SMAP1: variants seen among roughly 807,000 people sequenced by gnomAD.
SMAP1 encodes the protein stromal membrane-associated protein 1.
In SMAP1, 24 loss-of-function variants were observed where a neutral mutation model predicts 58.5. The ratio of observed to expected loss-of-function variants is 0.41; its 90% CI spans 0.30 to 0.58. The LOEUF is 0.58. SMAP1 is among the 20% of genes least tolerant of loss of function. The pLI is 0.29. For synonymous variants in SMAP1, 216 were observed against 196.6 expected, an observed-to-expected ratio of 1.10 and a Z score of -0.82; for missense variants, 563 against 566.3, an observed-to-expected ratio of 0.99 and a Z score of 0.06.
rs181194490 is a variant in SMAP1 at position 70,817,216 on chromosome 6, A to G, written c.576+18479A>G. On this transcript the variant is annotated intron_variant, in intron 6 of 10. Coordinates refer to ENST00000370455, the MANE Select transcript of SMAP1 (RefSeq NM_001044305.3). Reference sequence around the variant, plus strand: ...CACATTATTATTCTACTGAATAGATATTAGTTCATTGTCCCTATGTTTTCT... The same window carrying G: ...CACATTATTATTCTACTGAATAGATGTTAGTTCATTGTCCCTATGTTTTCT... Among the ~76,000 whole-genome samples, 226 of 151,894 alleles carry G rather than the reference A, an allele frequency of 1.5e-3. 1 individual carries two copies. The highest frequency in any genetic ancestry group is 9.7e-3 in the Admixed American group (148 of 15,250).
intron 7 of SMAP1, among the ~76,000 whole-genome samples, chr6:70,847,029 A>AT (rs141369820): frequency 0.019 from 2,874 of 152,268 alleles, 35 homozygotes; most frequent in Non-Finnish European, 0.028. Flanking sequence ...TTGTATTCTT[A>AT]TTTCCTTTTA....
chr6:70,714,062 T>TG (rs1435546771), intron 1 of SMAP1, among the ~76,000 whole-genome samples: 1 of 152,202 alleles, frequency 6.6e-6, no homozygotes, highest in African/African-American at 2.4e-5. Flanking sequence ...GCCACTCTTT[T>TG]GGGTACCATT....
chr6:70,745,000 G>C (rs1765968451), intron 2 of SMAP1, among the ~76,000 whole-genome samples: 3 of 152,150 alleles, frequency 2.0e-5, no homozygotes, highest in Admixed American at 2.0e-4. Context: ...CATATCCTTT[G>C]TCCACTTTTT....
chr6:70,703,041 T>G (rs2149830496), intron 1 of SMAP1, among the ~76,000 whole-genome samples: 1 of 152,222 alleles, frequency 6.6e-6, no homozygotes, highest in African/African-American at 2.4e-5. Flanking sequence ...TTCGATTGAT[T>G]GACTTTCCTC....
chr6:70,810,602 G>A (rs938810364), intron 6 of SMAP1, among the ~76,000 whole-genome samples: 1 of 151,826 alleles, frequency 6.6e-6, no homozygotes, highest in Admixed American at 6.6e-5. Flanking sequence ...TTAGATACAG[G>A]GTCTCACTAT....
At chr6:70,833,974 C>T (rs1329597425) in intron 6 of SMAP1, among the ~76,000 whole-genome samples, 2 of 152,000 alleles carry the variant, frequency 1.3e-5, no homozygotes, top group African/African-American at 4.8e-5. Flanking sequence ...TGATGACTAC[C>T]CATTTAAATT....
chr6:70,766,403 A>G (rs1766988458), intron 3 of SMAP1, among the ~76,000 whole-genome samples: 1 of 152,108 alleles, frequency 6.6e-6, no homozygotes, highest in South Asian at 2.1e-4. Flanking sequence ...CCTCTCCAGC[A>G]CCTGTTGTTT....
intron 1 of SMAP1, among the ~76,000 whole-genome samples, chr6:70,709,768 ATTTG>A (rs1485063566): frequency 1.3e-5 from 2 of 151,984 alleles, no homozygotes; most frequent in Non-Finnish European, 2.9e-5. Flanking sequence ...TTGGAATTGC[ATTTG>A]TTTGTATATT....
In SMAP1 at chr6:70,670,538, A is replaced by G. The variant is rs1411392811; in HGVS notation, c.118+2397A>G. Among the ~76,000 whole-genome samples, 4 of 152,182 alleles carry G rather than the reference A, an allele frequency of 2.6e-5. No homozygotes were observed. In the East Asian group the frequency reaches 7.7e-4, roughly 29 times the overall value. On this transcript the variant is annotated intron_variant, in intron 1 of 10. Coordinates refer to ENST00000370455, the MANE Select transcript of SMAP1 (RefSeq NM_001044305.3). ...TGGCTTGTTACATGATTTTGGATCT[A>G]TATGCTAGGATGACATAATAAATAT...
At chr6:70,700,583 C>T (rs1456344551) in intron 1 of SMAP1, among the ~76,000 whole-genome samples, 1 of 152,198 alleles carries the variant, frequency 6.6e-6, no homozygotes, top group Non-Finnish European at 1.5e-5. Flanking sequence ...CAGGTGTGAG[C>T]CATGGCACCC....
At chr6:70,765,344 T>G (rs1766923788) in intron 3 of SMAP1, among the ~76,000 whole-genome samples, 1 of 152,208 alleles carries the variant, frequency 6.6e-6, no homozygotes, top group Non-Finnish European at 1.5e-5. Context: ...AAACAAAAGT[T>G]AAGTTCCTAT....
At chr6:70,818,618 T>C (rs1769747420) in intron 6 of SMAP1, among the ~76,000 whole-genome samples, 1 of 152,182 alleles carries the variant, frequency 6.6e-6, no homozygotes, top group Non-Finnish European at 1.5e-5. Context: ...TCTTCTTTCC[T>C]GGCTTTCTAT....
intron 4 of SMAP1, among the ~76,000 whole-genome samples, chr6:70,790,391 G>A (rs1768296093): frequency 6.6e-6 from 1 of 152,016 alleles, no homozygotes; most frequent in Admixed American, 6.5e-5. Context: ...TGCGTGCCTT[G>A]GCCTCCCAAA....
At chr6:70,838,849 T>A (rs1156888615) in intron 7 of SMAP1, among the ~76,000 whole-genome samples, 1 of 152,188 alleles carries the variant, frequency 6.6e-6, no homozygotes, top group Admixed American at 6.5e-5. Flanking sequence ...ACTTTTGTAT[T>A]TGAAGAATTA....
At chr6:70,757,440 A>G (rs1031230434) in intron 3 of SMAP1, among the ~76,000 whole-genome samples, 6 of 152,134 alleles carry the variant, frequency 3.9e-5, no homozygotes, top group Non-Finnish European at 7.3e-5. Context: ...AGGCATCACC[A>G]TTCAGGACAT....
intron 6 of SMAP1, among the ~76,000 whole-genome samples, chr6:70,804,277 A>T (rs569390180): frequency 2.6e-4 from 38 of 148,262 alleles, no homozygotes; most frequent in Non-Finnish European, 5.2e-4. Flanking sequence ...GTTCGTTTGA[A>T]GTCTGTTTTA....
chr6:70,690,837 T>G (rs1441579343), intron 1 of SMAP1, among the ~76,000 whole-genome samples: 1 of 151,976 alleles, frequency 6.6e-6, no homozygotes, highest in East Asian at 1.9e-4. Flanking sequence ...ATGAATTAGA[T>G]AGTATTCTCC....
intron 6 of SMAP1, among the ~76,000 whole-genome samples, chr6:70,836,115 A>G (rs1770571882): frequency 6.6e-6 from 1 of 152,198 alleles, no homozygotes; most frequent in African/African-American, 2.4e-5. Context: ...AGGCCTCCCC[A>G]GTCTCAGCTA....
At chr6:70,770,592 A>G (rs1767241041) in intron 3 of SMAP1, among the ~76,000 whole-genome samples, 1 of 152,024 alleles carries the variant, frequency 6.6e-6, no homozygotes, top group East Asian at 1.9e-4. Context: ...CTTGGCTTTC[A>G]GCTCCATGAA....
Sources: gnomAD v4.1 joint callset for allele counts (sites outside exome capture counted in the v4.1 genomes callset) on GRCh38, gnomAD v4.1.1 for gene constraint, MANE v1.5 for transcripts, NCBI Gene and HGNC (gene_info 2026-07-23, HGNC 2026-07-21) for gene names.